The following MAN1C1 variants were observed in gnomAD, a reference collection of about 807,000 sequenced individuals.
The protein encoded by MAN1C1 is mannosidase alpha class 1C member 1.
A neutral mutation model predicts 71.5 loss-of-function variants in MAN1C1; 49 were observed. The ratio of observed to expected loss-of-function variants is 0.69; its 90% CI spans 0.54 to 0.87. The LOEUF (loss-of-function observed/expected upper bound fraction) is 0.87, where lower values mean the gene tolerates loss of function less well. Ranked by LOEUF, MAN1C1 falls within the 40% of genes least tolerant of loss-of-function variation. The pLI, the probability that MAN1C1 is intolerant of heterozygous loss-of-function variation, is 0.00. For missense variants in MAN1C1, 743 were observed against 835.0 expected, an observed-to-expected ratio of 0.89 and a Z score of 1.36; for synonymous variants, 352 against 343.7, an observed-to-expected ratio of 1.02 and a Z score of -0.27.
chr1:25,769,218 CAT>C lies in MAN1C1; in HGVS notation c.1142-2437_1142-2436del, dbSNP rs750377677. Among the ~76,000 whole-genome samples the C allele has an allele frequency of 9.3e-5, 14 of 150,824 alleles. No individual in the cohort carries two copies. Among genetic ancestry groups the C allele is most frequent in the Non-Finnish European group, 1.9e-4 (13 of 67,652 alleles). On this transcript the variant is annotated intron_variant, in intron 7 of 11. Coordinates refer to ENST00000374332, the MANE Select transcript of MAN1C1 (RefSeq NM_020379.4). The surrounding 1 kb of genome is among the most constrained non-coding windows in gnomAD (Gnocchi z 4.8). The stretch of plus-strand genomic sequence containing the variant: ...TCATGCACACACCCCACACACTACA[CAT>C]AGTCCCCTCATACACTACACACCAC...
In MAN1C1 at chr1:25,783,715, GTGTT is replaced by G; in HGVS notation, c.1820_1823del (p.Val607AlafsTer10). On this transcript the variant is annotated frameshift_variant, in exon 12 of 12. Coordinates refer to ENST00000374332, the MANE Select transcript of MAN1C1 (RefSeq NM_020379.4). LOFTEE classifies it high-confidence loss of function. The stretch of plus-strand genomic sequence containing the variant: ...TGACTTGCTCTCCCTGGAAGACTGG[GTGTT>G]CAACACCGAGGCCCACCCACTCCCG... 1 of 1,613,434 alleles carries G rather than the reference GTGTT, an allele frequency of 6.2e-7. No homozygotes were observed. The highest frequency in any genetic ancestry group is 8.5e-7 in the Non-Finnish European group (1 of 1,180,032).
Position 25,617,619 on chromosome 1 carries a change from C to G in MAN1C1, c.-179C>G. ...GCGCCCCCGCCTCCTCGCGGGAGGACTCGCTCCAAACTCCCTGAACTTCGG... is the reference window on the plus strand; with the variant it reads ...GCGCCCCCGCCTCCTCGCGGGAGGAGTCGCTCCAAACTCCCTGAACTTCGG... On this transcript the variant is annotated 5_prime_UTR_variant, in exon 1 of 12. Transcript: ENST00000374332. The surrounding 1 kb of genome is among the most constrained non-coding windows in gnomAD (Gnocchi z 5.1). The G allele has an allele frequency of 5.6e-6, 3 of 537,414 alleles. No individual in the cohort carries two copies. The highest frequency in any genetic ancestry group is 8.6e-5 in the Admixed American group (2 of 23,180). 33.3% of individuals were successfully genotyped at this position (537,414 alleles called of 1,614,324 possible).
chr1:25,628,145 CTATT>C (rs1223420478), intron 1 of MAN1C1, among the ~76,000 whole-genome samples: 12 of 151,924 alleles, frequency 7.9e-5, no homozygotes, highest in Non-Finnish European at 1.8e-4. Context: ...GTATCTGTCT[CTATT>C]TATTTAGATT....
chr1:25,727,230 A>C (rs2046843937), intron 2 of MAN1C1, among the ~76,000 whole-genome samples: 1 of 152,134 alleles, frequency 6.6e-6, no homozygotes, highest in South Asian at 2.1e-4. Flanking sequence ...CGGGTTTAAC[A>C]ACACTGCTCA....
chr1:25,704,191 C>G lies in MAN1C1; in HGVS notation c.637+17655C>G, dbSNP rs975857927. Among the ~76,000 whole-genome samples the G allele has an allele frequency of 7.9e-5, 12 of 152,338 alleles. No individual in the cohort carries two copies. The South Asian group carries it at 2.5e-3, about 32-fold the overall frequency. ...ACAGCCTCTTTCTAGCCACCCAGCCCCTTTATTAAACTTCCTTCCTGCCCC... is the reference window on the plus strand; with the variant it reads ...ACAGCCTCTTTCTAGCCACCCAGCCGCTTTATTAAACTTCCTTCCTGCCCC... On this transcript the variant is annotated intron_variant, in intron 2 of 11. Coordinates refer to ENST00000374332, the MANE Select transcript of MAN1C1 (RefSeq NM_020379.4).
intron 4 of MAN1C1, among the ~76,000 whole-genome samples, chr1:25,749,545 TG>T (rs1490054204): frequency 3.3e-5 from 5 of 152,186 alleles, no homozygotes; most frequent in African/African-American, 1.2e-4. Flanking sequence ...ATCATGGGCA[TG>T]TTGCTCCCAC....
rs1030712363 is a variant in MAN1C1 at position 25,631,073 on chromosome 1, T to G, written c.540+12736T>G. Among the ~76,000 whole-genome samples, 6 of 152,224 alleles carry G rather than the reference T, an allele frequency of 3.9e-5. No homozygotes were observed. The highest frequency in any genetic ancestry group is 9.6e-5 in the African/African-American group (4 of 41,456). ...CCCGCCTCCCGCATTTAAGTGATTC[T>G]TGTGCCTCAGCCTCCTGAGCAGCTG... On this transcript the variant is annotated intron_variant, in intron 1 of 11. Transcript: ENST00000374332. This position sits in a 1 kb window ranked among gnomAD's most constrained non-coding sequence, Gnocchi z 4.2.
intron 2 of MAN1C1, among the ~76,000 whole-genome samples, chr1:25,707,735 C>T (rs536228791): frequency 3.5e-4 from 54 of 152,294 alleles, no homozygotes; most frequent in African/African-American, 1.1e-3. Flanking sequence ...GAGATAAACC[C>T]GACCTGGATC....
At chr1:25,681,226 C>CAAAAA (rs59356271) in intron 1 of MAN1C1, among the ~76,000 whole-genome samples, 5 of 106,558 alleles carry the variant, frequency 4.7e-5, no homozygotes, top group African/African-American at 1.5e-4. Flanking sequence ...TACTCCGTCT[C>CAAAAA]AAAAAAAAAA....
chr1:25,740,326 C>G (rs1449351951), intron 2 of MAN1C1, among the ~76,000 whole-genome samples: 1 of 152,044 alleles, frequency 6.6e-6, no homozygotes, highest in Non-Finnish European at 1.5e-5. Context: ...TCACAGGGCC[C>G]CAGGGACGGG....
In MAN1C1 at chr1:25,782,185, G is replaced by A. The variant is rs2047704583; in HGVS notation, c.1651-400G>A. 6.6e-6 allele frequency among the ~76,000 whole-genome samples: 1 copy of A among 152,128 alleles called. No individual in the cohort carries two copies. The highest frequency in any genetic ancestry group is 2.4e-5 in the African/African-American group (1 of 41,414). On this transcript the variant is annotated intron_variant, in intron 10 of 11. Transcript: ENST00000374332. This position sits in a 1 kb window ranked among gnomAD's most constrained non-coding sequence, Gnocchi z 4.4. Reference sequence around the variant, plus strand: ...TGAGAATCCCTGGAGTACCAAGTCCGTCCCCAAATCCCAGCCCATGGCCAT... The same window carrying A: ...TGAGAATCCCTGGAGTACCAAGTCCATCCCCAAATCCCAGCCCATGGCCAT...
intron 8 of MAN1C1, 129 bp downstream of exon 8, chr1:25,771,901 C>T (rs1197373068): frequency 7.4e-6 from 5 of 680,250 alleles, no homozygotes; most frequent in South Asian, 7.0e-5. Context: ...TGCAATGAAC[C>T]GGTGAGAAGA....
At position 25,616,838 on chromosome 1, in the gene MAN1C1, C is replaced by A. The variant is rs1249753187; in HGVS notation, c.-960C>A. ...GCGGCGGGGACGGCGGTGGAGGCGG[C>A]CGGGTGGCTGTGCGCGCGTGTGGGG... On this transcript the variant is annotated 5_prime_UTR_variant, in exon 1 of 12. Coordinates refer to ENST00000374332, the MANE Select transcript of MAN1C1 (RefSeq NM_020379.4). This position sits in a 1 kb window ranked among gnomAD's most constrained non-coding sequence, Gnocchi z 5.6. Among the ~76,000 whole-genome samples, 1 of 148,548 alleles carries A rather than the reference C, an allele frequency of 6.7e-6. No individual in the cohort carries two copies. Among genetic ancestry groups the A allele is most frequent in the African/African-American group, 2.4e-5 (1 of 41,004 alleles).
intron 2 of MAN1C1, among the ~76,000 whole-genome samples, chr1:25,728,070 G>A (rs990484318): frequency 6.6e-6 from 1 of 152,242 alleles, no homozygotes; most frequent in African/African-American, 2.4e-5. Context: ...GCTTCCAGGA[G>A]ATGGAAGCCA....
At chr1:25,721,019 CTA>C (rs1262623811) in intron 2 of MAN1C1, among the ~76,000 whole-genome samples, 1 of 152,126 alleles carries the variant, frequency 6.6e-6, no homozygotes, top group Non-Finnish European at 1.5e-5. Context: ...TTTCATTGAT[CTA>C]TGTCTATTTT....
Position 25,672,035 on chromosome 1 carries a change from A to G in MAN1C1, c.541-14405A>G, listed in dbSNP as rs528330162. Among the ~76,000 whole-genome samples, 5 of 152,352 alleles carry G rather than the reference A, an allele frequency of 3.3e-5. No individual in the cohort carries two copies. The South Asian group carries it at 1.0e-3, about 32-fold the overall frequency. On this transcript the variant is annotated intron_variant, in intron 1 of 11. Transcript: ENST00000374332. Reference sequence around the variant, plus strand: ...GAAGCCAGTAGCATGGCTCAGTCCAAGCCCAACGGCCTGGGAACCAGGGAA... The same window carrying G: ...GAAGCCAGTAGCATGGCTCAGTCCAGGCCCAACGGCCTGGGAACCAGGGAA...
chr1:25,694,544 T>A (rs752996201), intron 2 of MAN1C1, among the ~76,000 whole-genome samples: 3 of 152,220 alleles, frequency 2.0e-5, no homozygotes, highest in Non-Finnish European at 4.4e-5. Context: ...CATCTTTGCC[T>A]TGTAAACGGA....
At chr1:25,772,645 G>C (rs535680710) in intron 8 of MAN1C1, among the ~76,000 whole-genome samples, 1 of 152,284 alleles carries the variant, frequency 6.6e-6, no homozygotes, top group Non-Finnish European at 1.5e-5. Context: ...CTTCCCCTCT[G>C]CCCTGCCCTC....
chr1:25,762,112 CTTT>C (rs1284215220), intron 6 of MAN1C1, among the ~76,000 whole-genome samples: 3 of 26,846 alleles, frequency 1.1e-4, no homozygotes, highest in African/African-American at 2.7e-4. Context: ...CATTTTCTTT[CTTT>C]TCTTTTCTTT....
Sources: allele counts gnomAD v4.1 joint callset (sites outside exome capture counted in the v4.1 genomes callset), GRCh38; gene constraint gnomAD v4.1.1; non-coding constraint Gnocchi (gnomAD v3.1); transcripts MANE v1.5; gene names NCBI Gene and HGNC (gene_info 2026-07-23, HGNC 2026-07-21).